Variants in MARF1 observed in about 807,000 individuals in gnomAD.
MARF1 encodes meiosis regulator and mRNA stability factor 1.
In MARF1, 24 loss-of-function variants were observed where a neutral mutation model predicts 168.2. The ratio of observed to expected loss-of-function variants is 0.14; its 90% CI spans 0.10 to 0.20. The LOEUF (loss-of-function observed/expected upper bound fraction) is 0.20, where lower values mean the gene tolerates loss of function less well. Ranked by LOEUF, MARF1 falls within the 10% of genes least tolerant of loss-of-function variation. The probability of loss-of-function intolerance (pLI) is 1.00; values close to 1 mark genes in which losing one functional copy is unlikely to be tolerated. For synonymous variants in MARF1, 868 were observed against 822.4 expected, an observed-to-expected ratio of 1.06 and a Z score of -0.95; for missense variants, 1,744 against 2,143.6, an observed-to-expected ratio of 0.81 and a Z score of 3.68.
At position 15,603,771 on chromosome 16, in the gene MARF1, G is replaced by A. The variant is rs200354423; in HGVS notation, c.4413+397C>T. On this transcript the variant is annotated intron_variant, in intron 22 of 26. Coordinates refer to ENST00000396368, the MANE Select transcript of MARF1 (RefSeq NM_014647.4). ...GCCATTCTTGAAAGGCTGCCTGGGGGACTGGCTGGCCAACCTTCCTTTCTG... is the reference window on the plus strand; with the variant it reads ...GCCATTCTTGAAAGGCTGCCTGGGGAACTGGCTGGCCAACCTTCCTTTCTG... 2.5e-3 allele frequency among the ~76,000 whole-genome samples: 374 copies of A among 151,576 alleles called. 2 individuals carry two copies. The highest frequency in any genetic ancestry group is 8.4e-3 in the African/African-American group (348 of 41,352).
At chr16:15,596,983 G>GA (rs750397733) in intron 26 of MARF1, 46 bp from the exon 27 acceptor site, 2 of 1,540,866 alleles carry the variant, frequency 1.3e-6, no homozygotes, top group Non-Finnish European at 1.7e-6. Context: ...GGAACTGTAA[G>GA]AAGTGTGGGT....
chr16:15,612,757 T>C lies in MARF1; in HGVS notation c.3274A>G (p.Lys1092Glu). ...PNTDPWLLRS[K>E]SPVGNPQLIQ... ...AGCTGGGGGTTACCTACAGGACTCT[T>C]CGAACGCAGAAGCCAAGGGTCTAGA... Residue 1092 changes from lysine (K) to glutamate (E), a missense_variant, in exon 17 of 27, where the codon AAG becomes GAG. Coordinates refer to ENST00000396368, the MANE Select transcript of MARF1 (RefSeq NM_014647.4). 2 of 1,614,106 alleles carry C rather than the reference T, an allele frequency of 1.2e-6. No homozygotes were observed. The highest frequency in any genetic ancestry group is 1.7e-6 in the Non-Finnish European group (2 of 1,180,012).
Position 15,640,127 on chromosome 16 carries a change from G to C in MARF1, c.-58-836C>G, listed in dbSNP as rs537186916. Among the ~76,000 whole-genome samples the C allele has an allele frequency of 1.5e-4, 23 of 152,296 alleles. No homozygotes were observed. The East Asian group carries it at 3.9e-3, about 26-fold the overall frequency. ...AAGAGAGCATCTAATCTGAGTAAAA[G>C]AGCCACCACCACATCCTCATTGACA... On this transcript the variant is annotated intron_variant, in intron 1 of 26. Coordinates refer to ENST00000396368, the MANE Select transcript of MARF1 (RefSeq NM_014647.4).
chr16:15,627,272 G>A (rs1393797990), intron 7 of MARF1, among the ~76,000 whole-genome samples: 1 of 151,960 alleles, frequency 6.6e-6, no homozygotes, highest in Non-Finnish European at 1.5e-5. Flanking sequence ...TGGATCACTT[G>A]AGGTCAGGAG....
In MARF1 at chr16:15,630,374, C is replaced by T. The variant is rs202126054; in HGVS notation, c.1482G>A (p.Glu494=). Residue 494 remains glutamate, a synonymous_variant, in exon 7 of 27, where the codon GAG becomes GAA. Transcript: ENST00000396368. ...ACCTGGGGGGCAAGTCGGAAATGAA[C>T]TCTTCAAATCTGATCAGCTCGTTAG... ...HHANELIRFE[E]FISDLPPRLP... is the part of the protein sequence containing the mutation. 7.7e-4 allele frequency: 1,233 copies of T among 1,607,018 alleles called. 1 individual carries two copies. The highest frequency in any genetic ancestry group is 9.9e-4 in the Non-Finnish European group (1,162 of 1,175,996).
intron 7 of MARF1, among the ~76,000 whole-genome samples, chr16:15,629,546 C>T (rs932448107): frequency 6.6e-6 from 1 of 152,210 alleles, no homozygotes; most frequent in African/African-American, 2.4e-5. Flanking sequence ...TAACGTACTT[C>T]TGTAACTCTC....
rs1221258304 is a variant in MARF1 at position 15,608,218 on chromosome 16, T to C, written c.4182+73A>G. 6.4e-6 allele frequency: 6 copies of C among 942,954 alleles called. No individual in the cohort carries two copies. The South Asian group carries it at 9.6e-5, about 15-fold the overall frequency. 58.4% of individuals were successfully genotyped at this position (942,954 alleles called of 1,614,324 possible). On this transcript the variant is annotated intron_variant, in intron 21 of 26. Coordinates refer to ENST00000396368, the MANE Select transcript of MARF1 (RefSeq NM_014647.4). ...AGAAACGCTACAGCACACGCAAACG[T>C]CCTAATGAGAATTAGGTCACTGTGA... is the stretch of plus-strand genomic sequence containing the variant.
Position 15,609,619 on chromosome 16 carries a change from A to T in MARF1, c.3858T>A (p.Pro1286=), listed in dbSNP as rs753314571. The change falls in exon 20 of 27, where the codon CCT becomes CCA. Residue 1286 remains proline (P), a synonymous_variant. Transcript: ENST00000396368. ...HFRMPFNKFI[P]SYHHHFGRQC... is the part of the protein sequence containing the mutation. ...GCCGGCCAAAGTGGTGATGGTAAGA[A>T]GGGATAAATTTATTAAAGGGCATCC... The T allele has an allele frequency of 1.2e-6, 2 of 1,614,218 alleles. No homozygotes were observed. The highest frequency in any genetic ancestry group is 8.5e-7 in the Non-Finnish European group (1 of 1,180,030).
At chr16:15,608,592 T>C (rs1435157665) in intron 20 of MARF1, 74 bp from the exon 21 acceptor site, 12 of 1,055,060 alleles carry the variant, frequency 1.1e-5, no homozygotes, top group Non-Finnish European at 1.7e-5. Context: ...AAAAAAAGTA[T>C]GCAGCTAGTA....
chr16:15,625,183 C>T lies in MARF1; in HGVS notation c.1954-10G>A, dbSNP rs1329192015. ...CCATGCGGCACAGCTCCTTCAAAGA[C>T]ACAAGCACAGTGGGGTTTAAATTTT... On this transcript the variant is annotated splice_polypyrimidine_tract_variant and intron_variant, in intron 8 of 26. Coordinates refer to ENST00000396368, the MANE Select transcript of MARF1 (RefSeq NM_014647.4). The T allele has an allele frequency of 5.6e-6, 9 of 1,612,798 alleles. No individual in the cohort carries two copies. Among genetic ancestry groups the T allele is most frequent in the Middle Eastern group, 1.6e-4 (1 of 6,072 alleles).
At chr16:15,615,430 C>G (rs535237749) in intron 16 of MARF1, among the ~76,000 whole-genome samples, 1 of 152,170 alleles carries the variant, frequency 6.6e-6, no homozygotes, top group Admixed American at 6.5e-5. Context: ...TCAAGACCAT[C>G]CTGGCCAATA....
In MARF1 at chr16:15,636,966, T is replaced by G. The variant is rs180855305; in HGVS notation, c.145-624A>C. Among the ~76,000 whole-genome samples, 8 of 152,252 alleles carry G rather than the reference T, an allele frequency of 5.3e-5. No individual in the cohort carries two copies. In the East Asian group the frequency reaches 1.5e-3, roughly 29 times the overall value. On this transcript the variant is annotated intron_variant, in intron 2 of 26. Transcript: ENST00000396368. ...CAGCCAGTGAAAAGATTTAGAGAAT[T>G]AGAAAACTATCCAAGAAAAAGATCC...
At chr16:15,629,539 C>T (rs955255443) in intron 7 of MARF1, among the ~76,000 whole-genome samples, 1 of 152,178 alleles carries the variant, frequency 6.6e-6, no homozygotes, top group Non-Finnish European at 1.5e-5. Flanking sequence ...TCATGTCTAA[C>T]GTACTTCTGT....
intron 1 of MARF1, among the ~76,000 whole-genome samples, chr16:15,641,755 T>G (rs545478722): frequency 6.6e-6 from 1 of 152,306 alleles, no homozygotes; most frequent in African/African-American, 2.4e-5. Flanking sequence ...GACACAAGAT[T>G]AGGCTTGTTC....
chr16:15,617,338 T>C lies in MARF1; in HGVS notation c.2918A>G (p.Glu973Gly). 3 of 1,614,146 alleles carry C rather than the reference T, an allele frequency of 1.9e-6. No homozygotes were observed. Among genetic ancestry groups the C allele is most frequent in the Non-Finnish European group, 2.5e-6 (3 of 1,180,002 alleles). Residue 973 changes from glutamate to glycine, a missense_variant, in exon 14 of 27, where the codon GAG becomes GGG. Glu to Gly is a moderately conservative substitution (Grantham distance 98). Around this residue, in one of 7 missense-constraint regions of MARF1, gnomAD observed 543 missense variants for 742.1 expected, o/e 0.73. Transcript: ENST00000396368. ...PIIFEELEYH[E>G]PVCRQHCSNK... ...GGAACAATGCTGTCTGCAGACAGGC[T>C]CGTGATATTCTAACTCTTCAAATAT...
At chr16:15,637,849 G>A (rs549949798) in intron 2 of MARF1, among the ~76,000 whole-genome samples, 1 of 152,318 alleles carries the variant, frequency 6.6e-6, no homozygotes, top group Admixed American at 6.5e-5. Flanking sequence ...AGAGAAAATA[G>A]AGAATTAAAC....
At chr16:15,633,431 G>A (rs1472732813) in intron 5 of MARF1, among the ~76,000 whole-genome samples, 186 bp downstream of exon 5, 1 of 152,036 alleles carries the variant, frequency 6.6e-6, no homozygotes, top group Non-Finnish European at 1.5e-5. Context: ...CTGTGATCCT[G>A]GCTAGTTGGG....
At chr16:15,642,983 C>A in intron 1 of MARF1, 35 bp downstream of exon 1, 1 of 233,336 alleles carries the variant, frequency 4.3e-6, no homozygotes, top group East Asian at 1.8e-4. Flanking sequence ...GCAGAGCCTG[C>A]CGGGGTCTGG....
At chr16:15,598,795 CA>C in intron 26 of MARF1, 58 bp downstream of exon 26, 1 of 1,503,444 alleles carries the variant, frequency 6.7e-7, no homozygotes, top group Admixed American at 1.7e-5. Flanking sequence ...ATCAGTATCT[CA>C]TCGTGGTTTT....
Sources: allele counts gnomAD v4.1 joint callset (sites outside exome capture counted in the v4.1 genomes callset), GRCh38; gene constraint gnomAD v4.1.1; regional missense constraint gnomAD v4.1.1; transcripts MANE v1.5; gene names NCBI Gene and HGNC (gene_info 2026-07-23, HGNC 2026-07-21).